Variants in ODAD2 observed in about 807,000 individuals in gnomAD.
ODAD2 encodes outer dynein arm docking complex subunit 2.
A neutral mutation model predicts 106.8 loss-of-function variants in ODAD2; 89 were observed. That is an observed-to-expected ratio of 0.83 (90% CI 0.70 to 0.99). The LOEUF is 0.99. Ranked by LOEUF, ODAD2 falls within the 50% of genes least tolerant of loss-of-function variation. The probability of loss-of-function intolerance (pLI) is 0.00; values close to 1 mark genes in which losing one functional copy is unlikely to be tolerated. For missense variants in ODAD2, 1,168 were observed against 1,238.5 expected, an observed-to-expected ratio of 0.94 and a Z score of 0.85; for synonymous variants, 404 against 436.2, an observed-to-expected ratio of 0.93 and a Z score of 0.92.
chr10:27,991,610 A>C (rs893558666), intron 2 of ODAD2, among the ~76,000 whole-genome samples: 21 of 152,244 alleles, frequency 1.4e-4, no homozygotes, highest in African/African-American at 5.1e-4. Context: ...CACAGAGACC[A>C]ACAAAAAAGG....
intron 16 of ODAD2, 104 bp downstream of exon 16, chr10:27,934,906 C>A (rs1405428830): frequency 4.4e-6 from 6 of 1,373,454 alleles, no homozygotes; most frequent in African/African-American, 2.9e-5. Flanking sequence ...TGTATTTTTT[C>A]ATCATTCGTG....
chr10:27,944,955 T>C lies in ODAD2; in HGVS notation c.1394A>G (p.Asn465Ser). ...QKLVKYLKGG[N>S]QTATVIALCS... ...CAACGCAATCACTGTAGCTGTTTGA[T>C]TTCCTCCCTACAAAGATGCAATGCC... The change falls in exon 11 of 20, where the codon AAT becomes AGT. Residue 465 changes from asparagine to serine, a missense_variant. This residue lies in a region of ODAD2 where 37 missense variants were observed against 74.1 expected (regional missense o/e 0.50). Transcript: ENST00000305242. 1 of 1,614,068 alleles carries C rather than the reference T, an allele frequency of 6.2e-7. No individual in the cohort carries two copies. Among genetic ancestry groups the C allele is most frequent in the African/African-American group, 1.3e-5 (1 of 75,048 alleles).
At chr10:27,825,846 C>G (rs1836998497) in intron 19 of ODAD2, among the ~76,000 whole-genome samples, 1 of 152,236 alleles carries the variant, frequency 6.6e-6, no homozygotes, top group Non-Finnish European at 1.5e-5. Flanking sequence ...ATAAGTGGAA[C>G]AGTAGCCCTT....
chr10:27,841,035 C>T (rs141942925), intron 19 of ODAD2, among the ~76,000 whole-genome samples: 62 of 152,224 alleles, frequency 4.1e-4, no homozygotes, highest in African/African-American at 1.3e-3. Flanking sequence ...GATTGTTATT[C>T]TTTTTAAAAT....
intron 17 of ODAD2, among the ~76,000 whole-genome samples, chr10:27,874,239 C>T (rs1415706533): frequency 6.6e-6 from 1 of 152,130 alleles, no homozygotes; most frequent in Admixed American, 6.6e-5. Flanking sequence ...TATTTTGAGC[C>T]TATGTGTGTC....
rs1236685194 is a variant in ODAD2, at chr10:27,964,092, T to G, written c.1239-2377A>C. On this transcript the variant is annotated intron_variant, in intron 9 of 19. Coordinates refer to ENST00000305242, the MANE Select transcript of ODAD2 (RefSeq NM_018076.5). ...CAAAAATTAGCTGGGTATGGTGGCG[T>G]GTGCCTCTTGTCCCAGTTACTTGGG... is the stretch of plus-strand genomic sequence containing the variant. Among the ~76,000 whole-genome samples the G allele has an allele frequency of 7.9e-5, 12 of 152,268 alleles. No homozygotes were observed. The East Asian group carries it at 2.1e-3, about 27-fold the overall frequency.
chr10:27,860,578 C>T (rs766742672), intron 19 of ODAD2, 47 bp downstream of exon 19: 1 of 1,569,810 alleles, frequency 6.4e-7, no homozygotes, highest in Non-Finnish European at 8.7e-7. Flanking sequence ...TCTTTCCAGG[C>T]TACATTTACC....
chr10:27,965,420 A>C (rs184018297), intron 9 of ODAD2, among the ~76,000 whole-genome samples: 2 of 151,562 alleles, frequency 1.3e-5, no homozygotes, highest in African/African-American at 4.8e-5. Flanking sequence ...TGAGGATATA[A>C]GAAAATTCAT....
chr10:27,852,960 CAA>C (rs61548333), intron 19 of ODAD2, among the ~76,000 whole-genome samples: 35,824 of 83,314 alleles, frequency 0.43, 3,542 homozygotes, highest in East Asian at 0.52. Context: ...GACACAGTCT[CAA>C]AAAAAAAAAA....
rs764481133 is a variant in ODAD2 at position 27,944,445 on chromosome 10, A to T, written c.1534-14T>A. 1.9e-6 allele frequency: 3 copies of T among 1,606,508 alleles called. No individual in the cohort carries two copies. The highest frequency in any genetic ancestry group is 1.7e-6 in the Non-Finnish European group (2 of 1,173,294). ...TAATGAACCAATCTGTGTGAGAAAA[A>T]AAAAGATGAGTGGCGAATATGTAAC... On this transcript the variant is annotated splice_polypyrimidine_tract_variant and intron_variant, in intron 11 of 19. Coordinates refer to ENST00000305242, the MANE Select transcript of ODAD2 (RefSeq NM_018076.5).
intron 17 of ODAD2, among the ~76,000 whole-genome samples, chr10:27,891,005 A>G (rs1350788557): frequency 1.3e-5 from 2 of 152,184 alleles, no homozygotes; most frequent in Non-Finnish European, 1.5e-5. Context: ...CAGCCCAAAC[A>G]TGGCTAAATC....
At chr10:27,847,895 C>T (rs1838903252) in intron 19 of ODAD2, among the ~76,000 whole-genome samples, 1 of 152,134 alleles carries the variant, frequency 6.6e-6, no homozygotes, top group Admixed American at 6.5e-5. Context: ...AGGAGAACTA[C>T]AAACCACTGC....
At chr10:27,899,618 G>C (rs1380079657) in intron 17 of ODAD2, among the ~76,000 whole-genome samples, 1 of 150,972 alleles carries the variant, frequency 6.6e-6, no homozygotes, top group African/African-American at 2.4e-5. Context: ...GCATGCTCAA[G>C]CTTGGTGGGG....
intron 17 of ODAD2, among the ~76,000 whole-genome samples, chr10:27,875,907 C>A (rs1168739741): frequency 2.6e-5 from 4 of 152,196 alleles, no homozygotes; most frequent in Admixed American, 6.5e-5. Flanking sequence ...TATCGCACGC[C>A]TGGCTCGGAG....
At chr10:27,913,943 A>C (rs995898628) in intron 16 of ODAD2, among the ~76,000 whole-genome samples, 1 of 152,172 alleles carries the variant, frequency 6.6e-6, no homozygotes, top group African/African-American at 2.4e-5. Flanking sequence ...CAAAGAACTT[A>C]AAACAACTAA....
chr10:27,847,473 A>T (rs989423547), intron 19 of ODAD2, among the ~76,000 whole-genome samples: 2 of 152,192 alleles, frequency 1.3e-5, no homozygotes, highest in African/African-American at 4.8e-5. Flanking sequence ...TATCATCCTG[A>T]ATGGGCAAAA....
chr10:27,935,395 G>A (rs1845901187), intron 15 of ODAD2, 143 bp from the exon 16 acceptor site: 1 of 1,127,462 alleles, frequency 8.9e-7, no homozygotes, highest in Non-Finnish European at 1.2e-6. Context: ...CTGAAGCTTG[G>A]TAAATAGTAG....
At position 27,977,771 on chromosome 10, in the gene ODAD2, G is replaced by A. The variant is rs199875677; in HGVS notation, c.936+3695C>T. ...ACTTTACCACATAGGATATGTGAAT[G>A]GCCAATAAGCACATGAAAAGATGCA... is the stretch of plus-strand genomic sequence containing the variant. On this transcript the variant is annotated intron_variant, in intron 7 of 19. Coordinates refer to ENST00000305242, the MANE Select transcript of ODAD2 (RefSeq NM_018076.5). Among the ~76,000 whole-genome samples the A allele has an allele frequency of 3.4e-4, 52 of 152,146 alleles. 1 individual carries two copies. The East Asian group carries it at 8.9e-3, about 26-fold the overall frequency.
At chr10:27,955,191 A>G (rs530034106) in intron 10 of ODAD2, among the ~76,000 whole-genome samples, 1 of 151,770 alleles carries the variant, frequency 6.6e-6, no homozygotes, top group African/African-American at 2.4e-5. Context: ...TTTTCGAAAT[A>G]CTCTTTTTAA....
Sources: gnomAD v4.1 joint callset for allele counts (sites outside exome capture counted in the v4.1 genomes callset) on GRCh38, gnomAD v4.1.1 for gene constraint, gnomAD v4.1.1 regional missense constraint, MANE v1.5 for transcripts, NCBI Gene and HGNC (gene_info 2026-07-23, HGNC 2026-07-21) for gene names.